GPATCH3: variants seen among roughly 807,000 people sequenced by gnomAD.
GPATCH3 encodes the protein G-patch domain containing 3.
In GPATCH3, 45 loss-of-function variants were observed where a neutral mutation model predicts 53.2. The ratio of observed to expected loss-of-function variants is 0.85; its 90% CI spans 0.67 to 1.08. GPATCH3 has a LOEUF of 1.08. Among genes scored for constraint, GPATCH3 ranks in the 50% least tolerant of loss-of-function variants. The probability of loss-of-function intolerance (pLI) is 0.00; values close to 1 mark genes in which losing one functional copy is unlikely to be tolerated. For missense variants in GPATCH3, 680 were observed against 687.2 expected (o/e 0.99, Z 0.12); for synonymous variants, 280 against 270.6 (o/e 1.03, Z -0.34).
intron 1 of GPATCH3, among the ~76,000 whole-genome samples, chr1:26,899,445 C>T (rs2081965024): frequency 6.6e-6 from 1 of 152,172 alleles, no homozygotes; most frequent in Admixed American, 6.5e-5. Flanking sequence ...AAATGTCTTC[C>T]TTTGTGGATT....
chr1:26,892,588 A>G, intron 5 of GPATCH3, 50 bp from the exon 6 acceptor site: 1 of 1,606,846 alleles, frequency 6.2e-7, no homozygotes, highest in Non-Finnish European at 8.5e-7. Flanking sequence ...TGCTGGGAGC[A>G]GGGAGAATGG....
At position 26,893,482 on chromosome 1, in the gene GPATCH3, T is replaced by C. The variant is rs771419175; in HGVS notation, c.1052-34A>G. 69 of 1,534,482 alleles carry C rather than the reference T, an allele frequency of 4.5e-5. 2 individuals carry two copies. In the South Asian group the frequency reaches 6.3e-4, roughly 14 times the overall value. On this transcript the variant is annotated intron_variant, in intron 3 of 6. Transcript: ENST00000361720. ...ACAGAAAAGCATCCAACAGAGTACA[T>C]TAAGGACTCTCAGTTCTATTAAGAG...
chr1:26,892,298 G>T, intron 6 of GPATCH3, 113 bp downstream of exon 6: 1 of 1,325,042 alleles, frequency 7.5e-7, no homozygotes, highest in South Asian at 1.3e-5. Flanking sequence ...TAACTGTTTT[G>T]AATTTCATCC....
chr1:26,894,271 T>A lies in GPATCH3; in HGVS notation c.1016A>T (p.Tyr339Phe). The A allele has an allele frequency of 6.2e-7, 1 of 1,614,104 alleles. No individual in the cohort carries two copies. Among genetic ancestry groups the A allele is most frequent in the Non-Finnish European group, 8.5e-7 (1 of 1,180,014 alleles). ...CTCCTGCCAGAACTGGGCATCAGTA[T>A]AAAACACCAGGCCAGAGCCACCCTT... Reference protein sequence around the residue: ...WEKGGSGLVFYTDAQFWQEEE... With the variant: ...WEKGGSGLVFFTDAQFWQEEE... The change falls in exon 3 of 7, where the codon TAT (tyrosine) becomes TTT (phenylalanine). Residue 339 changes from tyrosine (Y) to phenylalanine (F), a missense_variant. By Grantham distance (22) the Tyr-to-Phe change is conservative. Transcript: ENST00000361720.
In GPATCH3 at chr1:26,900,371, C is replaced by T. The variant is rs1329043983; in HGVS notation, c.72G>A (p.Leu24=). The part of the protein sequence containing the change: ...YLVVSGIPSV[L]RSAHLRSYFS... ...AATAGCTCCGTAAATGGGCCGAGCGCAACACGGAGGGGATACCGCTCACTA... is the reference window on the plus strand; with the variant it reads ...AATAGCTCCGTAAATGGGCCGAGCGTAACACGGAGGGGATACCGCTCACTA... Residue 24 remains leucine, a synonymous_variant, in exon 1 of 7, where the codon TTG becomes TTA. Transcript: ENST00000361720. 1.2e-6 allele frequency: 2 copies of T among 1,614,020 alleles called. No homozygotes were observed. The highest frequency in any genetic ancestry group is 1.7e-6 in the Non-Finnish European group (2 of 1,180,024).
Position 26,890,824 on chromosome 1 carries a change from A to C in GPATCH3, c.*186T>G, listed in dbSNP as rs1557658502. The C allele has an allele frequency of 1.3e-6, 1 of 776,192 alleles. No homozygotes were observed. The highest frequency in any genetic ancestry group is 2.4e-6 in the Non-Finnish European group (1 of 417,686). 48.1% of individuals were successfully genotyped at this position (776,192 alleles called of 1,614,324 possible). On this transcript the variant is annotated 3_prime_UTR_variant, in exon 7 of 7. Coordinates refer to ENST00000361720, the MANE Select transcript of GPATCH3 (RefSeq NM_022078.3). The stretch of plus-strand genomic sequence containing the variant: ...TACCCCTAATATCCAAGGGGAGGGG[A>C]CGGGAGGGGGCTTTTTGTAAAAATG...
In GPATCH3 at chr1:26,892,788, C is replaced by T. The variant is rs2081934148; in HGVS notation, c.1115G>A (p.Gly372Asp). The change falls in exon 5 of 7, where the codon GGT (glycine) becomes GAT (aspartate). Residue 372 changes from glycine (G) to aspartate (D), a missense_variant. By Grantham distance (94) the Gly-to-Asp change is moderately conservative. Coordinates refer to ENST00000361720, the MANE Select transcript of GPATCH3 (RefSeq NM_022078.3). ...AGAGTCTCGGGCATCCTTGTCTCCA[C>T]CATCTGAGGAAACAGAGCTCAGTTT... ...VDMSVYYDRD[G>D]GDKDARDSVQ... 1 of 1,613,662 alleles carries T rather than the reference C, an allele frequency of 6.2e-7. No homozygotes were observed. Among genetic ancestry groups the T allele is most frequent in the South Asian group, 1.1e-5 (1 of 91,084 alleles).
chr1:26,897,605 G>A lies in GPATCH3; in HGVS notation c.572C>T (p.Pro191Leu). ...CAGGGGAGTCCCCACATTCCCTCTG[G>A]GCATCAGCACTGGTGGGTTCAGCTC... ...LPELNPPVLM[P>L]RGNVGTPLRV... The change falls in exon 2 of 7, where the codon CCC (proline) becomes CTC (leucine). Residue 191 changes from proline to leucine, a missense_variant. Coordinates refer to ENST00000361720, the MANE Select transcript of GPATCH3 (RefSeq NM_022078.3). The A allele has an allele frequency of 6.2e-7, 1 of 1,614,194 alleles. No individual in the cohort carries two copies. The highest frequency in any genetic ancestry group is 8.5e-7 in the Non-Finnish European group (1 of 1,180,050).
rs756980365 is a variant in GPATCH3 at position 26,897,619 on chromosome 1, TG to T, written c.557del (p.Pro186HisfsTer4). ...CATTCCCTCTGGGCATCAGCACTGG[TG>T]GGTTCAGCTCCGGCAGTTGCTTCAG... ...ADLKQLPELN[P>X]PVLMPRGNVG... On this transcript the variant is annotated frameshift_variant, in exon 2 of 7. Transcript: ENST00000361720. LOFTEE classifies it high-confidence loss of function. 6.2e-7 allele frequency: 1 copy of T among 1,614,084 alleles called. No homozygotes were observed.
chr1:26,894,628 G>A (rs2081943059), intron 2 of GPATCH3, among the ~76,000 whole-genome samples: 1 of 152,064 alleles, frequency 6.6e-6, no homozygotes, highest in African/African-American at 2.4e-5. Flanking sequence ...ACCTCTGCGC[G>A]TTTGGCCATG....
intron 3 of GPATCH3, among the ~76,000 whole-genome samples, chr1:26,893,649 T>C (rs1045039780): frequency 6.6e-6 from 1 of 150,470 alleles, no homozygotes; most frequent in Non-Finnish European, 1.5e-5. Flanking sequence ...GCCTCCCAAG[T>C]AGCTGGGACT....
intron 2 of GPATCH3, 144 bp from the exon 3 acceptor site, chr1:26,894,554 T>A: frequency 2.7e-6 from 2 of 753,944 alleles, no homozygotes. Context: ...ATTTGGCCCC[T>A]GACCAACACG....
chr1:26,894,677 C>A (rs189142892), intron 2 of GPATCH3, among the ~76,000 whole-genome samples: 6 of 152,222 alleles, frequency 3.9e-5, no homozygotes, highest in Admixed American at 3.9e-4. Context: ...CTCTCCCACA[C>A]CCTTCTCTTC....
In GPATCH3 at chr1:26,899,994, GA is replaced by G. The variant is rs2081967777; in HGVS notation, c.448del (p.Ser150GlnfsTer29). ...TCTATTAACTTTCTCACTCTTACCT[GA>G]TGCCTCCGTAGGTAGCCGAAGTCTG... ...IRRLRLPTEASGLGSFPFKTR... is the reference protein window; with the variant it reads ...IRRLRLPTEAXGLGSFPFKTR... On this transcript the variant is annotated frameshift_variant, in exon 1 of 7. Transcript: ENST00000361720. LOFTEE classifies it high-confidence loss of function. 6.2e-7 allele frequency: 1 copy of G among 1,613,998 alleles called. No individual in the cohort carries two copies. The highest frequency in any genetic ancestry group is 1.3e-5 in the African/African-American group (1 of 75,054).
rs1423491403 is a variant in GPATCH3, at chr1:26,900,088, G to A, written c.355C>T (p.Arg119Cys). 6 of 1,614,072 alleles carry A rather than the reference G, an allele frequency of 3.7e-6. No homozygotes were observed. Among genetic ancestry groups the A allele is most frequent in the Non-Finnish European group, 5.1e-6 (6 of 1,180,060 alleles). ...RGLAQAQRLIRMYSGRRWLDS... is the reference protein window; with the variant it reads ...RGLAQAQRLICMYSGRRWLDS... ...AGCCACCGGCGGCCCGAGTACATGCGAATAAGCCTCTGAGCTTGAGCCAAC... is the reference window on the plus strand; with the variant it reads ...AGCCACCGGCGGCCCGAGTACATGCAAATAAGCCTCTGAGCTTGAGCCAAC... Residue 119 changes from arginine (R) to cysteine (C), a missense_variant, in exon 1 of 7, where the codon CGC becomes TGC. By Grantham distance (180) the Arg-to-Cys change is radical. Coordinates refer to ENST00000361720, the MANE Select transcript of GPATCH3 (RefSeq NM_022078.3).
rs1442450744 is a variant in GPATCH3 at position 26,892,660 on chromosome 1, G to A, written c.1233+10C>T. 6.2e-7 allele frequency: 1 copy of A among 1,614,170 alleles called. No individual in the cohort carries two copies. Among genetic ancestry groups the A allele is most frequent in the Non-Finnish European group, 8.5e-7 (1 of 1,180,014 alleles). On this transcript the variant is annotated intron_variant, in intron 5 of 6. Transcript: ENST00000361720. ...GAGGGGTCCATGGGGTGGGCACAGT[G>A]CTAACTCACCTTGGTGTGGCGCTCA...
intron 1 of GPATCH3, among the ~76,000 whole-genome samples, chr1:26,898,544 A>C (rs1424625221): frequency 6.6e-6 from 1 of 151,416 alleles, no homozygotes; most frequent in Admixed American, 6.6e-5. Context: ...TCCTGGCCTC[A>C]AGTGATATCT....
intron 4 of GPATCH3, 67 bp from the exon 5 acceptor site, chr1:26,892,858 G>A: frequency 6.4e-7 from 1 of 1,574,490 alleles, no homozygotes; most frequent in South Asian, 1.1e-5. Flanking sequence ...CAGGTTTCTA[G>A]GACCCCCTCG....
chr1:26,891,009 G>A lies in GPATCH3; in HGVS notation c.*1C>T. 6.2e-7 allele frequency: 1 copy of A among 1,613,328 alleles called. No homozygotes were observed. The highest frequency in any genetic ancestry group is 1.1e-5 in the South Asian group (1 of 91,052). On this transcript the variant is annotated 3_prime_UTR_variant, in exon 7 of 7. Transcript: ENST00000361720. Reference sequence around the variant, plus strand: ...GCTATGAAAGGAAGCCCCCAACCCGGTCAGTCAGGCAATGAGGGGCTGTCT... The same window carrying A: ...GCTATGAAAGGAAGCCCCCAACCCGATCAGTCAGGCAATGAGGGGCTGTCT...
Sources: allele counts gnomAD v4.1 joint callset (sites outside exome capture counted in the v4.1 genomes callset), GRCh38; gene constraint gnomAD v4.1.1; transcripts MANE v1.5; gene names NCBI Gene and HGNC (gene_info 2026-07-23, HGNC 2026-07-21).